The following LSAMP variants were observed in gnomAD, a reference collection of about 807,000 sequenced individuals.
LSAMP encodes limbic system-associated membrane protein.
Under a neutral mutation model 38.6 loss-of-function variants are expected in LSAMP, and 7 were observed. The ratio of observed to expected loss-of-function variants is 0.18; its 90% CI spans 0.10 to 0.34. The LOEUF is 0.34. LSAMP is among the 10% of genes least tolerant of loss of function. The pLI is 1.00. For missense variants in LSAMP, 313 were observed against 420.0 expected (o/e 0.75, Z 2.23); for synonymous variants, 154 against 166.8 (o/e 0.92, Z 0.59).
chr3:116,278,807 A>ATAGAT (rs1255929305), intron 1 of LSAMP, among the ~76,000 whole-genome samples: 2 of 152,122 alleles, frequency 1.3e-5, no homozygotes, highest in African/African-American at 2.4e-5. Context: ...ATTTTATTAA[A>ATAGAT]TAGATTATAA....
intron 1 of LSAMP, among the ~76,000 whole-genome samples, chr3:116,270,409 C>A (rs1339943953): frequency 6.9e-6 from 1 of 144,360 alleles, no homozygotes; most frequent in Non-Finnish European, 1.5e-5. Flanking sequence ...TCAAATGGAC[C>A]CTGAAGCTTC....
chr3:115,934,087 CTTAAGT>C (rs1257258394), intron 3 of LSAMP, among the ~76,000 whole-genome samples: 2 of 152,238 alleles, frequency 1.3e-5, no homozygotes, highest in East Asian at 3.9e-4. Context: ...AACTCAAAAG[CTTAAGT>C]TTATTTACCT....
intron 3 of LSAMP, among the ~76,000 whole-genome samples, chr3:115,991,049 C>T (rs1302289527): frequency 1.3e-5 from 2 of 151,942 alleles, no homozygotes; most frequent in African/African-American, 2.4e-5. Flanking sequence ...GGTTTTCCTT[C>T]CCCCGACCCC....
chr3:116,163,605 C>T (rs181823286), intron 1 of LSAMP, among the ~76,000 whole-genome samples: 1 of 152,098 alleles, frequency 6.6e-6, no homozygotes, highest in East Asian at 1.9e-4. Flanking sequence ...AATGGGATGG[C>T]TGGGTCAAAT....
chr3:115,899,234 A>G (rs1936808523), intron 3 of LSAMP, among the ~76,000 whole-genome samples: 1 of 152,100 alleles, frequency 6.6e-6, no homozygotes, highest in Non-Finnish European at 1.5e-5. Flanking sequence ...GAGCTTTCTG[A>G]GAAATGCATT....
In LSAMP at chr3:115,969,554, C is replaced by A. The variant is rs555522743; in HGVS notation, c.514+49961G>T. 5.9e-5 allele frequency among the ~76,000 whole-genome samples: 9 copies of A among 152,290 alleles called. No homozygotes were observed. In the East Asian group the frequency reaches 1.2e-3, roughly 20 times the overall value. On this transcript the variant is annotated intron_variant, in intron 3 of 6. Coordinates refer to ENST00000490035, the MANE Select transcript of LSAMP (RefSeq NM_002338.5). The stretch of plus-strand genomic sequence containing the variant: ...GACCCACCCTTCTGGCGAAAAAATT[C>A]TTTGAAAGCTCATGTCTATAATCAC...
chr3:116,325,452 C>T (rs1226877544), intron 1 of LSAMP, among the ~76,000 whole-genome samples: 1 of 152,094 alleles, frequency 6.6e-6, no homozygotes, highest in African/African-American at 2.4e-5. Context: ...TAAGGAGAGA[C>T]AGTCACATAT....
chr3:116,321,435 T>C (rs2107730339), intron 1 of LSAMP, among the ~76,000 whole-genome samples: 1 of 152,252 alleles, frequency 6.6e-6, no homozygotes, highest in Middle Eastern at 3.4e-3. Context: ...TTATAATCAT[T>C]ACCGGATATT....
intron 3 of LSAMP, among the ~76,000 whole-genome samples, chr3:115,937,388 C>T (rs1204315859): frequency 1.3e-5 from 2 of 152,076 alleles, no homozygotes; most frequent in Non-Finnish European, 2.9e-5. Context: ...TACCTGTAAT[C>T]TCAGCATGTT....
rs188896876 is a variant in LSAMP at position 116,042,094 on chromosome 3, G to A, written c.389-22454C>T. On this transcript the variant is annotated intron_variant, in intron 2 of 6. Coordinates refer to ENST00000490035, the MANE Select transcript of LSAMP (RefSeq NM_002338.5). ...ATGGATAATGTTAGGTGATGAACAG[G>A]ATCTTCACTGCCTTAAAATTTTATG... Among the ~76,000 whole-genome samples, 43 of 152,202 alleles carry A rather than the reference G, an allele frequency of 2.8e-4. 1 individual carries two copies. In the East Asian group the frequency reaches 6.8e-3, roughly 24 times the overall value.
intron 3 of LSAMP, among the ~76,000 whole-genome samples, chr3:115,880,879 T>C (rs1440275159): frequency 1.3e-5 from 2 of 150,994 alleles, no homozygotes; most frequent in Non-Finnish European, 3.0e-5. Context: ...CTACCAAAAA[T>C]ACAAAAAAAT....
intron 1 of LSAMP, among the ~76,000 whole-genome samples, chr3:116,106,374 G>T (rs1277895801): frequency 1.3e-5 from 2 of 152,016 alleles, no homozygotes. Flanking sequence ...AGTTTTTTTT[G>T]GGGGTACAGT....
At chr3:115,816,736 T>G (rs1462112889) in intron 6 of LSAMP, 1 of 656,432 alleles carries the variant, frequency 1.5e-6, no homozygotes, top group Non-Finnish European at 2.3e-6. Context: ...TATTCTCCAC[T>G]GAAAGGCGAA....
chr3:116,236,919 C>T (rs2046472049), intron 1 of LSAMP, among the ~76,000 whole-genome samples: 1 of 151,274 alleles, frequency 6.6e-6, no homozygotes, highest in Non-Finnish European at 1.5e-5. Context: ...TCATTCCCTA[C>T]TCCAAAAATG....
intron 1 of LSAMP, among the ~76,000 whole-genome samples, chr3:116,366,419 A>G (rs1320176591): frequency 6.6e-6 from 1 of 152,178 alleles, no homozygotes; most frequent in Non-Finnish European, 1.5e-5. Flanking sequence ...AGGCAATGAG[A>G]ATCAGTGTAT....
intron 3 of LSAMP, among the ~76,000 whole-genome samples, chr3:115,913,248 A>G (rs1181453798): frequency 1.3e-5 from 2 of 152,210 alleles, no homozygotes; most frequent in Non-Finnish European, 2.9e-5. Flanking sequence ...CAGTTGTATA[A>G]TCTGCCTGTA....
chr3:116,232,699 C>CTTTTTT (rs1219296323), intron 1 of LSAMP, among the ~76,000 whole-genome samples: 9,909 of 99,046 alleles, frequency 0.1, 850 homozygotes, highest in Non-Finnish European at 0.12. Flanking sequence ...TTCTTTCTTT[C>CTTTTTT]TTTTTTTTTT....
At chr3:116,003,990 T>C (rs1349334086) in intron 3 of LSAMP, among the ~76,000 whole-genome samples, 2 of 152,180 alleles carry the variant, frequency 1.3e-5, no homozygotes, top group African/African-American at 4.8e-5. Flanking sequence ...ACGTAGTTAG[T>C]TGATGGTGCA....
chr3:116,065,147 A>G lies in LSAMP; in HGVS notation c.388+21177T>C, dbSNP rs1301471711. ...AAAGTCTCCTGTAAACATATGGATA[A>G]CGTTTAGTTTGGATTTGTGACTGAG... On this transcript the variant is annotated intron_variant, in intron 2 of 6. Coordinates refer to ENST00000490035, the MANE Select transcript of LSAMP (RefSeq NM_002338.5). Among the ~76,000 whole-genome samples, 3 of 152,224 alleles carry G rather than the reference A, an allele frequency of 2.0e-5. No individual in the cohort carries two copies. In the East Asian group the frequency reaches 5.8e-4, roughly 29 times the overall value.
Sources: gnomAD v4.1 joint callset for allele counts (sites outside exome capture counted in the v4.1 genomes callset) on GRCh38, gnomAD v4.1.1 for gene constraint, MANE v1.5 for transcripts, NCBI Gene and HGNC (gene_info 2026-07-23, HGNC 2026-07-21) for gene names.